RPL38: variants seen among roughly 807,000 people sequenced by gnomAD.
RPL38 encodes the protein ribosomal protein L38, also known as large ribosomal subunit protein eL38.
RPL38 carries 2 observed loss-of-function variants against 12.8 expected under a neutral mutation model. The ratio of observed to expected loss-of-function variants is 0.16; its 90% CI spans 0.06 to 0.49. RPL38 has a LOEUF of 0.49. Ranked by LOEUF, RPL38 falls within the 20% of genes least tolerant of loss-of-function variation. The pLI, the probability that RPL38 is intolerant of heterozygous loss-of-function variation, is 0.96. For missense variants in RPL38, 52 were observed against 79.8 expected, an observed-to-expected ratio of 0.65 and a Z score of 1.33; for synonymous variants, 42 against 30.1, an observed-to-expected ratio of 1.39 and a Z score of -1.29.
intron 3 of RPL38, among the ~76,000 whole-genome samples, chr17:74,207,725 C>T (rs1416665569): frequency 6.6e-6 from 1 of 151,886 alleles, no homozygotes; most frequent in African/African-American, 2.4e-5. Context: ...AGGCTGGTCT[C>T]GAACTCCCGA....
intron 3 of RPL38, chr17:74,206,155 A>G (rs2050111524): frequency 6.6e-6 from 1 of 152,212 alleles, no homozygotes; most frequent in Non-Finnish European, 1.5e-5. Context: ...TTTAACGTGT[A>G]ATAGGCATAG....
chr17:74,209,722 T>C, intron 4 of RPL38, 82 bp from the exon 5 acceptor site: 1 of 1,222,628 alleles, frequency 8.2e-7, no homozygotes, highest in Non-Finnish European at 1.2e-6. Context: ...GTGCTCTCTT[T>C]AGCTTAAGTA....
chr17:74,207,141 C>T (rs545600258), intron 3 of RPL38, among the ~76,000 whole-genome samples: 3 of 151,928 alleles, frequency 2.0e-5, no homozygotes, highest in South Asian at 4.2e-4. Flanking sequence ...CCTCCAGAGT[C>T]TCTGGGACTA....
At chr17:74,206,803 C>T (rs907880743) in intron 3 of RPL38, among the ~76,000 whole-genome samples, 5 of 149,422 alleles carry the variant, frequency 3.3e-5, no homozygotes, top group African/African-American at 1.2e-4. Flanking sequence ...AGCTCCGCCT[C>T]CCAGGTTCAT....
At position 74,203,741 on chromosome 17, in the gene RPL38, G is replaced by A. The variant is rs143217115; in HGVS notation, c.-43G>A. 547 of 611,166 alleles carry A rather than the reference G, an allele frequency of 9.0e-4. 1 individual carries two copies. The highest frequency in any genetic ancestry group is 8.6e-3 in the African/African-American group (467 of 54,026). 37.9% of individuals were successfully genotyped at this position (611,166 alleles called of 1,614,324 possible). A position where few individuals can be genotyped will look rare whatever the true frequency, so the allele number is the denominator to read the frequency against. ...TGTCTCTAGGGTGATACGTGGGTGA[G>A]AAAGGTAATCTGGGGCAATCCACTG... is the stretch of plus-strand genomic sequence containing the variant. On this transcript the variant is annotated 5_prime_UTR_variant, in exon 1 of 5. Transcript: ENST00000311111.
chr17:74,208,760 C>CCCAT (rs2050138289), intron 3 of RPL38, among the ~76,000 whole-genome samples: 1 of 152,052 alleles, frequency 6.6e-6, no homozygotes, highest in Non-Finnish European at 1.5e-5. Flanking sequence ...ATGGTGAAAC[C>CCCAT]CCATCTCTAC....
chr17:74,205,262 C>G (rs1465196675), intron 3 of RPL38: 2 of 152,192 alleles, frequency 1.3e-5, no homozygotes, highest in African/African-American at 4.8e-5. Flanking sequence ...GTGTTTGATA[C>G]AAGCTAGGTC....
chr17:74,204,096 T>C (rs746609512), intron 2 of RPL38, 34 bp from the exon 3 acceptor site: 2 of 1,613,804 alleles, frequency 1.2e-6, no homozygotes, highest in South Asian at 1.1e-5. Flanking sequence ...CGTGTCTCTT[T>C]CCTCTCTGTT....
chr17:74,203,769 A>C, intron 1 of RPL38, 24 bp downstream of exon 1: 1 of 662,644 alleles, frequency 1.5e-6, no homozygotes, highest in Non-Finnish European at 2.6e-6. Flanking sequence ...ATCCACTGCC[A>C]GGTGAAATCT....
At position 74,209,850 on chromosome 17, in the gene RPL38, C is replaced by G. The variant is rs1198490381; in HGVS notation, c.*21C>G. The G allele has an allele frequency of 1.3e-6, 2 of 1,593,038 alleles. No homozygotes were observed. The highest frequency in any genetic ancestry group is 2.7e-5 in the African/African-American group (2 of 74,500). On this transcript the variant is annotated 3_prime_UTR_variant, in exon 5 of 5. Coordinates refer to ENST00000311111, the MANE Select transcript of RPL38 (RefSeq NM_000999.4). Reference sequence around the variant, plus strand: ...AATGAACCAGACACACTGATTGGAACTGTATTATATTAAAATACTAAAAAT... The same window carrying G: ...AATGAACCAGACACACTGATTGGAAGTGTATTATATTAAAATACTAAAAAT...
Position 74,209,925 on chromosome 17 carries a change from G to T in RPL38, c.*96G>T. 1 of 1,005,724 alleles carries T rather than the reference G, an allele frequency of 9.9e-7. No individual in the cohort carries two copies. The highest frequency in any genetic ancestry group is 1.3e-5 in the South Asian group (1 of 77,010). 62.3% of individuals were successfully genotyped at this position (1,005,724 alleles called of 1,614,324 possible). ...ATGGGAAAGGGAAAAATGCTACCTC[G>T]TAGTGGCTTCTGATGGGAACAGGAC... On this transcript the variant is annotated 3_prime_UTR_variant, in exon 5 of 5. Coordinates refer to ENST00000311111, the MANE Select transcript of RPL38 (RefSeq NM_000999.4).
At position 74,210,042 on chromosome 17, in the gene RPL38, CAG is replaced by C. The variant is rs1416419534; in HGVS notation, c.*214_*215del. On this transcript the variant is annotated 3_prime_UTR_variant, in exon 5 of 5. Transcript: ENST00000311111. Reference sequence around the variant, plus strand: ...TTGCTCTGTGGCTCATCCTGGAGCACAGTGGTGCGATATCAGCTCACTACCAC... The same window carrying C: ...TTGCTCTGTGGCTCATCCTGGAGCACTGGTGCGATATCAGCTCACTACCAC... The C allele has an allele frequency of 4.0e-6, 2 of 503,374 alleles. No homozygotes were observed. Among genetic ancestry groups the C allele is most frequent in the Non-Finnish European group, 7.0e-6 (2 of 287,514 alleles). The allele number at this position is 503,374 out of a possible 1,614,324, so 31.2% of individuals were successfully genotyped here.
chr17:74,205,129 A>G (rs1360242100), intron 3 of RPL38: 45 of 152,268 alleles, frequency 3.0e-4, no homozygotes, highest in Non-Finnish European at 7.3e-5. Context: ...GAAAAACCTT[A>G]AACAGCAGGT....
Position 74,209,858 on chromosome 17 carries a change from T to A in RPL38, c.*29T>A. 2.5e-6 allele frequency: 4 copies of A among 1,580,268 alleles called. No individual in the cohort carries two copies. The highest frequency in any genetic ancestry group is 3.5e-6 in the Non-Finnish European group (4 of 1,150,166). On this transcript the variant is annotated 3_prime_UTR_variant, in exon 5 of 5. Transcript: ENST00000311111. ...AGACACACTGATTGGAACTGTATTA[T>A]ATTAAAATACTAAAAATCCTAAGTG...
chr17:74,204,359 G>A lies in RPL38; in HGVS notation c.64+169G>A, dbSNP rs917557191. 2.9e-5 allele frequency: 18 copies of A among 617,064 alleles called. No homozygotes were observed. In the African/African-American group the frequency reaches 3.1e-4, roughly 11 times the overall value. The allele number at this position is 617,064 out of a possible 1,614,324, so 38.2% of individuals were successfully genotyped here. On this transcript the variant is annotated intron_variant, in intron 3 of 4. Transcript: ENST00000311111. The stretch of plus-strand genomic sequence containing the variant: ...TTTCCCATGAGAAAGACCTGTGGGG[G>A]GCACGTTGAGGCCCTGGAATTTCTA...
chr17:74,207,519 C>CTT (rs960745898), intron 3 of RPL38, among the ~76,000 whole-genome samples: 4 of 150,920 alleles, frequency 2.7e-5, no homozygotes, highest in African/African-American at 9.8e-5. Context: ...GTTGAGTAAA[C>CTT]TTTTTTTTTA....
chr17:74,209,967 C>T lies in RPL38; in HGVS notation c.*138C>T. The T allele has an allele frequency of 1.7e-6, 1 of 576,606 alleles. No individual in the cohort carries two copies. The highest frequency in any genetic ancestry group is 2.1e-5 in the South Asian group (1 of 47,582). The allele number at this position is 576,606 out of a possible 1,614,324, so 35.7% of individuals were successfully genotyped here. On this transcript the variant is annotated 3_prime_UTR_variant, in exon 5 of 5. Coordinates refer to ENST00000311111, the MANE Select transcript of RPL38 (RefSeq NM_000999.4). Reference sequence around the variant, plus strand: ...GAACAGGACGCGGGTTCTGTTGCTGCCTTCCTGTGTCTTTTTTTTTTTTTT... The same window carrying T: ...GAACAGGACGCGGGTTCTGTTGCTGTCTTCCTGTGTCTTTTTTTTTTTTTT...
In RPL38 at chr17:74,204,125, T is replaced by G. The variant is rs1293384444; in HGVS notation, c.4-5T>G. On this transcript the variant is annotated splice_region_variant and splice_polypyrimidine_tract_variant and intron_variant, in intron 2 of 4. Transcript: ENST00000311111. ...CTCTGTTCACCCGCTTCCTTTGTGT[T>G]GCAGCCTCGGAAAATTGAGGAAATC... 6.2e-7 allele frequency: 1 copy of G among 1,614,200 alleles called. No individual in the cohort carries two copies. The highest frequency in any genetic ancestry group is 1.3e-5 in the African/African-American group (1 of 75,048).
intron 3 of RPL38, chr17:74,204,874 A>C (rs2050097838): frequency 6.6e-6 from 1 of 151,314 alleles, no homozygotes. Context: ...TGGTAGAGAC[A>C]GAGTTTCACC....
Sources: allele counts gnomAD v4.1 joint callset (sites outside exome capture counted in the v4.1 genomes callset), GRCh38; gene constraint gnomAD v4.1.1; transcripts MANE v1.5; gene names NCBI Gene and HGNC (gene_info 2026-07-23, HGNC 2026-07-21).